CAST: variants seen among roughly 807,000 people sequenced by gnomAD.
CAST encodes MIR583 host.
Under a neutral mutation model 119.6 loss-of-function variants are expected in CAST, and 76 were observed. The ratio of observed to expected loss-of-function variants is 0.64; its 90% CI spans 0.53 to 0.77. The LOEUF (loss-of-function observed/expected upper bound fraction) is 0.77, where lower values mean the gene tolerates loss of function less well. CAST is among the 30% of genes least tolerant of loss of function. The pLI is 0.00. For synonymous variants in CAST, 319 were observed against 331.6 expected, an observed-to-expected ratio of 0.96 and a Z score of 0.41; for missense variants, 953 against 946.5, an observed-to-expected ratio of 1.01 and a Z score of -0.09.
intron 1 of CAST, among the ~76,000 whole-genome samples, chr5:96,571,523 T>C (rs926649568): frequency 1.3e-5 from 2 of 152,258 alleles, no homozygotes; most frequent in African/African-American, 4.8e-5. Context: ...GGTCCATTCC[T>C]CTAAAGATGA....
intron 1 of CAST, among the ~76,000 whole-genome samples, chr5:96,557,429 G>T (rs1039962936): frequency 2.0e-5 from 3 of 152,008 alleles, no homozygotes; most frequent in Non-Finnish European, 4.4e-5. Context: ...TGGATAAATA[G>T]TCAAGACCCA....
the CAST span, among the ~76,000 whole-genome samples, chr5:96,113,339 C>A: frequency 6.6e-6 from 1 of 152,126 alleles, no homozygotes; most frequent in Non-Finnish European, 1.5e-5. Context: ...CCTGAAAGTG[C>A]CTATTTAATT....
intron 3 of CAST, among the ~76,000 whole-genome samples, chr5:96,698,523 C>T (rs1055091986): frequency 1.3e-5 from 2 of 152,154 alleles, no homozygotes; most frequent in East Asian, 1.9e-4. Context: ...TCACCCCTTC[C>T]GTTCTCATAT....
the CAST span, among the ~76,000 whole-genome samples, chr5:96,076,688 A>T: frequency 8.5e-5 from 13 of 152,202 alleles, no homozygotes; most frequent in Admixed American, 8.5e-4. Flanking sequence ...TCATAAGAAT[A>T]TTCAATGAAT....
At chr5:96,556,687 C>A (rs566312635) in intron 1 of CAST, among the ~76,000 whole-genome samples, 5 of 152,270 alleles carry the variant, frequency 3.3e-5, no homozygotes. Flanking sequence ...TGAACAAAGC[C>A]TCCAAGAAAT....
intron 14 of CAST, 37 bp downstream of exon 14, chr5:96,741,395 G>C (rs368967506): frequency 1.3e-6 from 2 of 1,490,134 alleles, no homozygotes; most frequent in African/African-American, 1.4e-5. Flanking sequence ...AACTTGTTAG[G>C]AACTATTTTG....
At position 96,668,819 on chromosome 5, in the gene CAST, A is replaced by G. The variant is rs549895440; in HGVS notation, c.75+6322A>G. ...AATTGGTTACCCAGGTAAAAAAAAA[A>G]AAGGCTGGGAAGCCGTCAGGGGAGG... is the stretch of plus-strand genomic sequence containing the variant. On this transcript the variant is annotated intron_variant, in intron 1 of 31. Transcript: ENST00000675179. 4.3e-4 allele frequency among the ~76,000 whole-genome samples: 65 copies of G among 152,256 alleles called. No homozygotes were observed. In the Middle Eastern group the frequency reaches 0.01, roughly 24 times the overall value.
the CAST span, among the ~76,000 whole-genome samples, chr5:96,154,498 A>G: frequency 2.6e-5 from 4 of 152,210 alleles, no homozygotes; most frequent in South Asian, 2.1e-4. Context: ...ACTATGGTAC[A>G]TTGGTCACAA....
intron 1 of CAST, among the ~76,000 whole-genome samples, chr5:96,577,644 A>T (rs1258839133): frequency 6.6e-6 from 1 of 152,034 alleles, no homozygotes; most frequent in Non-Finnish European, 1.5e-5. Context: ...TGACGTATGA[A>T]ATATTTAGAA....
chr5:96,270,065 G>C, the CAST span, among the ~76,000 whole-genome samples: 1 of 152,150 alleles, frequency 6.6e-6, no homozygotes, highest in Non-Finnish European at 1.5e-5. Flanking sequence ...ATTTATTCCA[G>C]GGATGCAAGG....
At chr5:96,338,413 G>A in the CAST span, among the ~76,000 whole-genome samples, 1 of 151,956 alleles carries the variant, frequency 6.6e-6, no homozygotes, top group Non-Finnish European at 1.5e-5. Flanking sequence ...TGTAATCCTT[G>A]TTTATGGTAT....
the CAST span, among the ~76,000 whole-genome samples, chr5:96,313,595 G>A: frequency 6.6e-6 from 1 of 152,126 alleles, no homozygotes; most frequent in Admixed American, 6.6e-5. Context: ...AAGCATTTAT[G>A]AATAAGATTA....
chr5:96,493,784 A>G, the CAST span, among the ~76,000 whole-genome samples: 1 of 152,168 alleles, frequency 6.6e-6, no homozygotes, highest in Non-Finnish European at 1.5e-5. Context: ...CATGCCTGTA[A>G]TCCCAGCACT....
At chr5:96,186,947 C>T in the CAST span, among the ~76,000 whole-genome samples, 26 of 152,046 alleles carry the variant, frequency 1.7e-4, no homozygotes, top group Non-Finnish European at 3.4e-4. Flanking sequence ...TTTGTACATC[C>T]GGTAGAATTC....
intron 1 of CAST, among the ~76,000 whole-genome samples, chr5:96,554,921 G>C (rs1429847246): frequency 1.3e-5 from 2 of 152,232 alleles, no homozygotes; most frequent in African/African-American, 4.8e-5. Flanking sequence ...TGGAGAGGTT[G>C]TGGAAAAATA....
At chr5:96,416,153 TACAG>T in the CAST span, 1 of 1,419,768 alleles carries the variant, frequency 7.0e-7, no homozygotes, top group Non-Finnish European at 1.0e-6. Flanking sequence ...TTATAAAACA[TACAG>T]AAGAACAAAC....
chr5:96,612,715 T>C (rs1480818317), intron 1 of CAST, among the ~76,000 whole-genome samples: 2 of 152,246 alleles, frequency 1.3e-5, no homozygotes, highest in African/African-American at 4.8e-5. Flanking sequence ...TAATATGCTC[T>C]TTCTTACACT....
the CAST span, among the ~76,000 whole-genome samples, chr5:96,472,925 G>A: frequency 6.6e-6 from 1 of 152,132 alleles, no homozygotes; most frequent in African/African-American, 2.4e-5. Context: ...AGGAGAGAAG[G>A]CTTCCTTGCC....
the CAST span, among the ~76,000 whole-genome samples, chr5:96,003,537 CAAAAA>C: frequency 1.8e-5 from 1 of 56,722 alleles, no homozygotes; most frequent in Non-Finnish European, 4.0e-5. Flanking sequence ...GACTCCATCT[CAAAAA>C]AAAAAAAAAA....
Sources: gnomAD v4.1 joint callset for allele counts (sites outside exome capture counted in the v4.1 genomes callset) on GRCh38, gnomAD v4.1.1 for gene constraint, MANE v1.5 for transcripts, NCBI Gene and HGNC (gene_info 2026-07-23, HGNC 2026-07-21) for gene names.